Variants in PCDHGA5 observed in about 807,000 individuals in gnomAD.
PCDHGA5 encodes protocadherin gamma-A5.
Under a neutral mutation model 56.7 loss-of-function variants are expected in PCDHGA5, and 36 were observed. The ratio of observed to expected loss-of-function variants is 0.64; its 90% CI spans 0.49 to 0.84. PCDHGA5 has a LOEUF of 0.84. PCDHGA5 is among the 40% of genes least tolerant of loss of function. The probability of loss-of-function intolerance (pLI) is 0.00; values close to 1 mark genes in which losing one functional copy is unlikely to be tolerated. For missense variants in PCDHGA5, 1,305 were observed against 1,201.5 expected (o/e 1.09, Z -1.27); for synonymous variants, 563 against 520.2 (o/e 1.08, Z -1.12).
In PCDHGA5 at chr5:141,409,398, A is replaced by G. The variant is rs186373896; in HGVS notation, c.2421+42647A>G. On this transcript the variant is annotated intron_variant, in intron 1 of 3. Transcript: ENST00000518069. Reference sequence around the variant, plus strand: ...CCATTCAAGATTTATTCTTCTTCCAATAACTACTACAAACTGGTGACAGAT... The same window carrying G: ...CCATTCAAGATTTATTCTTCTTCCAGTAACTACTACAAACTGGTGACAGAT... 9.6e-5 allele frequency: 155 copies of G among 1,614,050 alleles called. No individual in the cohort carries two copies. In the African/African-American group the frequency reaches 1.5e-3, roughly 16 times the overall value.
Position 141,487,399 on chromosome 5 carries a change from G to T in PCDHGA5, c.2422-7408G>T, listed in dbSNP as rs749826036. 6.2e-7 allele frequency: 1 copy of T among 1,614,140 alleles called. No individual in the cohort carries two copies. The highest frequency in any genetic ancestry group is 8.5e-7 in the Non-Finnish European group (1 of 1,180,014). ...TCACCAGATCTCGAAGGAGGGAGGG[G>T]CTTCCCCCTTCCAATGGGATCCTCC... On this transcript the variant is annotated intron_variant, in intron 1 of 3. Transcript: ENST00000518069. The surrounding 1 kb of genome is among the most constrained non-coding windows in gnomAD (Gnocchi z 5.0).
rs115281328 is a variant in PCDHGA5, at chr5:141,377,595, C to T, written c.2421+10844C>T. 1,339 of 144,106 alleles carry T rather than the reference C, an allele frequency of 9.3e-3. 18 individuals are homozygous for T. Among genetic ancestry groups the T allele is most frequent in the African/African-American group, 0.033 (1,264 of 38,356 alleles). 8.9% of individuals were successfully genotyped at this position (144,106 alleles called of 1,614,324 possible). The stretch of plus-strand genomic sequence containing the variant: ...TGGGAGACAGAATGAGACTTTTTCT[C>T]TCTCTCTCTCAAAAAAAAAAAAAGA... On this transcript the variant is annotated intron_variant, in intron 1 of 3. Coordinates refer to ENST00000518069, the MANE Select transcript of PCDHGA5 (RefSeq NM_018918.3).
At chr5:141,400,796 A>G (rs2094076929) in intron 1 of PCDHGA5, 1 of 559,742 alleles carries the variant, frequency 1.8e-6, no homozygotes. Context: ...CCTCTTTCTC[A>G]AAGCTAATGA....
chr5:141,432,128 T>C lies in PCDHGA5; in HGVS notation c.2422-62679T>C. 3 of 1,614,080 alleles carry C rather than the reference T, an allele frequency of 1.9e-6. No homozygotes were observed. Among genetic ancestry groups the C allele is most frequent in the Non-Finnish European group, 2.5e-6 (3 of 1,180,016 alleles). On this transcript the variant is annotated intron_variant, in intron 1 of 3. Coordinates refer to ENST00000518069, the MANE Select transcript of PCDHGA5 (RefSeq NM_018918.3). This position sits in a 1 kb window ranked among gnomAD's most constrained non-coding sequence, Gnocchi z 6.0. ...CCCGCCGGTCTTCCCTCAGGCCTCC[T>C]ATTCCGCTTATATCCCAGAGAACAA... is the stretch of plus-strand genomic sequence containing the variant.
At chr5:141,415,394 C>A (rs893251079) in intron 1 of PCDHGA5, 29 of 1,614,110 alleles carry the variant, frequency 1.8e-5, no homozygotes, top group Non-Finnish European at 2.3e-5. Context: ...ACAGGTGTGT[C>A]CGGCTCGCAC....
chr5:141,432,649 A>C lies in PCDHGA5; in HGVS notation c.2422-62158A>C, dbSNP rs769351399. The C allele has an allele frequency of 5.6e-6, 9 of 1,613,742 alleles. No individual in the cohort carries two copies. The highest frequency in any genetic ancestry group is 6.8e-6 in the Non-Finnish European group (8 of 1,179,918). ...ACACGGGCGAGGTGCGCACGGCGCG[A>C]GCCCTGCTGGACAGAGACGCGCTCA... is the stretch of plus-strand genomic sequence containing the variant. On this transcript the variant is annotated intron_variant, in intron 1 of 3. Transcript: ENST00000518069. This position sits in a 1 kb window ranked among gnomAD's most constrained non-coding sequence, Gnocchi z 6.0.
At chr5:141,412,233 A>T (rs866840267) in intron 1 of PCDHGA5, 1 of 152,256 alleles carries the variant, frequency 6.6e-6, no homozygotes, top group Non-Finnish European at 1.5e-5. Context: ...TTAAAAACCT[A>T]TATCACTACA....
At chr5:141,399,148 C>T (rs2150776580) in intron 1 of PCDHGA5, 2 of 1,613,684 alleles carry the variant, frequency 1.2e-6, no homozygotes, top group Non-Finnish European at 1.7e-6. Context: ...TGACAATAGC[C>T]CAGAAGTTAC....
chr5:141,498,814 T>G (rs2099785952), intron 2 of PCDHGA5, among the ~76,000 whole-genome samples: 1 of 151,956 alleles, frequency 6.6e-6, no homozygotes. Flanking sequence ...ACACCTGTAG[T>G]CCCAGCTACT....
At chr5:141,376,144 G>T (rs753001081) in intron 1 of PCDHGA5, 1 of 1,613,918 alleles carries the variant, frequency 6.2e-7, no homozygotes, top group Non-Finnish European at 8.5e-7. Flanking sequence ...CCAACGATTC[G>T]GACCTCACTC....
rs777634460 is a variant in PCDHGA5 at position 141,375,881 on chromosome 5, C to T, written c.2421+9130C>T. 4 of 1,613,818 alleles carry T rather than the reference C, an allele frequency of 2.5e-6. No individual in the cohort carries two copies. The South Asian group carries it at 4.4e-5, about 18-fold the overall frequency. ...GGTGGCGGTGGACAGAGACTCGGGC[C>T]AGAACGCCTGGCTGTCCTACCGCCT... On this transcript the variant is annotated intron_variant, in intron 1 of 3. Coordinates refer to ENST00000518069, the MANE Select transcript of PCDHGA5 (RefSeq NM_018918.3).
At chr5:141,433,358 C>CCTAG (rs1554125965) in intron 1 of PCDHGA5, 2 of 498,106 alleles carry the variant, frequency 4.0e-6, no homozygotes, top group African/African-American at 4.2e-5. Flanking sequence ...CTACTGTCTG[C>CCTAG]CTATCTATCT....
chr5:141,413,788 G>T (rs2095678300), intron 1 of PCDHGA5: 1 of 1,613,166 alleles, frequency 6.2e-7, no homozygotes, highest in African/African-American at 1.3e-5. Flanking sequence ...GCACTCCCTA[G>T]ATCGCGAGGA....
intron 1 of PCDHGA5, chr5:141,398,251 C>G (rs753114593): frequency 6.8e-7 from 1 of 1,464,006 alleles, no homozygotes; most frequent in East Asian, 2.5e-5. Flanking sequence ...CGAGGAAATG[C>G]CCAAGGGCTC....
intron 1 of PCDHGA5, chr5:141,421,898 A>T: frequency 6.2e-7 from 1 of 1,613,736 alleles, no homozygotes; most frequent in Non-Finnish European, 8.5e-7. Flanking sequence ...CCCATCCGAA[A>T]GGGCGCAGTT....
intron 3 of PCDHGA5, among the ~76,000 whole-genome samples, chr5:141,507,805 G>C (rs2099863746): frequency 6.6e-6 from 1 of 152,204 alleles, no homozygotes; most frequent in Non-Finnish European, 1.5e-5. Flanking sequence ...TGCGCCCTGG[G>C]GAACGGACCC....
At chr5:141,434,807 A>G (rs2097718601) in intron 1 of PCDHGA5, among the ~76,000 whole-genome samples, 1 of 152,016 alleles carries the variant, frequency 6.6e-6, no homozygotes, top group South Asian at 2.1e-4. Context: ...AGCTTGGAGA[A>G]ATATATCCCT....
At chr5:141,420,883 C>A (rs992351503) in intron 1 of PCDHGA5, among the ~76,000 whole-genome samples, 1 of 152,216 alleles carries the variant, frequency 6.6e-6, no homozygotes, top group Non-Finnish European at 1.5e-5. Context: ...TATTGTGTAT[C>A]ATCGTTTTTA....
chr5:141,448,720 C>T (rs545687728), intron 1 of PCDHGA5, among the ~76,000 whole-genome samples: 24 of 152,030 alleles, frequency 1.6e-4, no homozygotes, highest in African/African-American at 5.8e-4. Flanking sequence ...GCGGGAGGAT[C>T]ACGAGGTCAG....
Sources: gnomAD v4.1 joint callset for allele counts (sites outside exome capture counted in the v4.1 genomes callset) on GRCh38, gnomAD v4.1.1 for gene constraint, Gnocchi (gnomAD v3.1) non-coding constraint, MANE v1.5 for transcripts, NCBI Gene and HGNC (gene_info 2026-07-23, HGNC 2026-07-21) for gene names.